Variants in KIAA2012 observed in about 807,000 individuals in gnomAD.
KIAA2012 encodes the protein KIAA2012.
In KIAA2012, 125 loss-of-function variants were observed where a neutral mutation model predicts 150.6. The ratio of observed to expected loss-of-function variants is 0.83; its 90% CI spans 0.72 to 0.96. The LOEUF is 0.96. Among genes scored for constraint, KIAA2012 ranks in the 40% least tolerant of loss-of-function variants. The pLI, the probability that KIAA2012 is intolerant of heterozygous loss-of-function variation, is 0.00. For synonymous variants in KIAA2012, 462 were observed against 504.7 expected, an observed-to-expected ratio of 0.92 and a Z score of 1.13; for missense variants, 1,219 against 1,354.9, an observed-to-expected ratio of 0.90 and a Z score of 1.57.
chr2:202,164,275 AAC>A (rs1349117737), intron 14 of KIAA2012, among the ~76,000 whole-genome samples: 1 of 152,170 alleles, frequency 6.6e-6, no homozygotes, highest in Non-Finnish European at 1.5e-5. Flanking sequence ...CTGCTCTTGC[AAC>A]ACTCTAGAGA....
chr2:202,120,501 T>A (rs2105934069), intron 11 of KIAA2012, among the ~76,000 whole-genome samples: 1 of 152,332 alleles, frequency 6.6e-6, no homozygotes, highest in East Asian at 1.9e-4. Flanking sequence ...TCTTCCTTCA[T>A]CCAGTGAGGC....
chr2:202,132,707 TGTATATATGTATATATATATA>T (rs1240469915), intron 12 of KIAA2012, among the ~76,000 whole-genome samples: 3 of 119,948 alleles, frequency 2.5e-5, no homozygotes, highest in Non-Finnish European at 5.2e-5. Context: ...TATATATATA[TGTATATATGTATATATATATA>T]GTATATATGT....
chr2:202,162,967 A>G (rs927879718), intron 14 of KIAA2012, among the ~76,000 whole-genome samples: 4 of 151,690 alleles, frequency 2.6e-5, no homozygotes, highest in African/African-American at 9.7e-5. Flanking sequence ...GTGCTTTTTA[A>G]TGGTTGCATC....
At position 202,105,830 on chromosome 2, in the gene KIAA2012, A is replaced by G; in HGVS notation, c.1394A>G (p.Lys465Arg). 5.8e-6 allele frequency: 9 copies of G among 1,550,740 alleles called. No individual in the cohort carries two copies. The highest frequency in any genetic ancestry group is 2.0e-5 in the Admixed American group (1 of 51,004). ...ESTPVWRPPLKHASLETPWEL... is the reference protein window; with the variant it reads ...ESTPVWRPPLRHASLETPWEL... ...ACACCTGTGTGGAGACCTCCCCTGA[A>G]GCATGCGTCCTTAGAAACACCATGG... is the stretch of plus-strand genomic sequence containing the variant. Residue 465 changes from lysine (K) to arginine (R), a missense_variant, in exon 9 of 24, where the codon AAG becomes AGG. Coordinates refer to ENST00000498697, the MANE Select transcript of KIAA2012 (RefSeq NM_001277372.4).
intron 15 of KIAA2012, among the ~76,000 whole-genome samples, chr2:202,169,878 T>C (rs1352989529): frequency 6.6e-6 from 1 of 152,226 alleles, no homozygotes; most frequent in African/African-American, 2.4e-5. Context: ...GGCGGATTGC[T>C]TCTCTGGGCC....
chr2:202,177,383 C>G (rs1397303419), intron 15 of KIAA2012, among the ~76,000 whole-genome samples: 1 of 152,096 alleles, frequency 6.6e-6, no homozygotes, highest in Non-Finnish European at 1.5e-5. Flanking sequence ...TGTCTTAATC[C>G]ATTTTGTGAT....
chr2:202,089,300 A>T (rs1381898115), intron 2 of KIAA2012, among the ~76,000 whole-genome samples: 1 of 152,190 alleles, frequency 6.6e-6, no homozygotes, highest in Non-Finnish European at 1.5e-5. Flanking sequence ...CTGCATCCTA[A>T]CCTGTATGAA....
rs144932727 is a variant in KIAA2012, at chr2:202,175,966, G to C, written c.2120-8787G>C. Among the ~76,000 whole-genome samples the C allele has an allele frequency of 5.6e-3, 855 of 152,254 alleles. 9 individuals are homozygous for C. Among genetic ancestry groups the C allele is most frequent in the Middle Eastern group, 0.01 (3 of 294 alleles). On this transcript the variant is annotated intron_variant, in intron 15 of 23. Transcript: ENST00000498697. ...TGATATATGGCAATGGCATTATAAAGGGAAATAGTGGAGAAAGGATGATCT... is the reference window on the plus strand; with the variant it reads ...TGATATATGGCAATGGCATTATAAACGGAAATAGTGGAGAAAGGATGATCT...
intron 15 of KIAA2012, among the ~76,000 whole-genome samples, chr2:202,184,106 C>T (rs945749060): frequency 2.0e-5 from 3 of 152,152 alleles, no homozygotes; most frequent in Non-Finnish European, 4.4e-5. Context: ...GTAATGTTGG[C>T]TGAGCGCAGT....
intron 23 of KIAA2012, among the ~76,000 whole-genome samples, chr2:202,203,209 TTCAG>T (rs1402583729): frequency 4.6e-5 from 7 of 152,296 alleles, no homozygotes; most frequent in African/African-American, 1.4e-4. Context: ...AGTATTTCAT[TTCAG>T]TCAATGTATC....
intron 15 of KIAA2012, chr2:202,179,320 G>A (rs1054522362): frequency 2.5e-6 from 3 of 1,190,290 alleles, no homozygotes; most frequent in African/African-American, 1.5e-5. Context: ...ACGGCTTTTC[G>A]CTGACTACAT....
chr2:202,134,937 T>A (rs1233430627), intron 12 of KIAA2012, among the ~76,000 whole-genome samples: 1 of 152,202 alleles, frequency 6.6e-6, no homozygotes, highest in Non-Finnish European at 1.5e-5. Flanking sequence ...TAGAAGGAAA[T>A]GTTAAGGAGC....
intron 22 of KIAA2012, among the ~76,000 whole-genome samples, chr2:202,200,085 C>T (rs1692488064): frequency 6.6e-6 from 1 of 151,812 alleles, no homozygotes; most frequent in Non-Finnish European, 1.5e-5. Context: ...CGCATGCCAC[C>T]ACGCCCAGCT....
intron 12 of KIAA2012, among the ~76,000 whole-genome samples, chr2:202,125,598 A>G (rs1348656561): frequency 6.6e-6 from 1 of 152,106 alleles, no homozygotes; most frequent in African/African-American, 2.4e-5. Flanking sequence ...CCACTGCACA[A>G]TTCCCTAAAT....
intron 15 of KIAA2012, among the ~76,000 whole-genome samples, chr2:202,175,797 G>GA (rs989273645): frequency 1.3e-5 from 2 of 151,584 alleles, no homozygotes; most frequent in African/African-American, 2.4e-5. Flanking sequence ...GTATAATTTT[G>GA]AAAAAAAATA....
At chr2:202,200,868 G>A (rs1279930195) in intron 22 of KIAA2012, among the ~76,000 whole-genome samples, 3 of 151,766 alleles carry the variant, frequency 2.0e-5, no homozygotes, top group African/African-American at 4.8e-5. Flanking sequence ...CACTACGCCC[G>A]GCTAATTTTG....
rs202073640 is a variant in KIAA2012 at position 202,134,940 on chromosome 2, TAAGG to T, written c.1832-3490_1832-3487del. Among the ~76,000 whole-genome samples the T allele has an allele frequency of 5.7e-3, 871 of 152,368 alleles. 6 individuals are homozygous for T. The highest frequency in any genetic ancestry group is 8.8e-3 in the Non-Finnish European group (601 of 68,032). On this transcript the variant is annotated intron_variant, in intron 12 of 23. Transcript: ENST00000498697. Reference sequence around the variant, plus strand: ...TGCAGATTTAAATAGAAGGAAATGTTAAGGAGCCATATTCCCTGCTAGAATCAGA... The same window carrying T: ...TGCAGATTTAAATAGAAGGAAATGTTAGCCATATTCCCTGCTAGAATCAGA...
intron 10 of KIAA2012, among the ~76,000 whole-genome samples, chr2:202,111,709 C>T (rs1370100279): frequency 3.3e-5 from 5 of 152,040 alleles, no homozygotes; most frequent in Admixed American, 6.6e-5. Flanking sequence ...ATAGGCATGG[C>T]TGCATATGCA....
At chr2:202,144,862 C>G (rs2049189) in intron 13 of KIAA2012, among the ~76,000 whole-genome samples, 101,715 of 152,168 alleles carry the variant, frequency 0.67, 34,448 homozygotes, top group African/African-American at 0.77. Flanking sequence ...AATAGAAAAA[C>G]CCTATCTCCT....
Sources: allele counts gnomAD v4.1 joint callset (sites outside exome capture counted in the v4.1 genomes callset), GRCh38; gene constraint gnomAD v4.1.1; transcripts MANE v1.5; gene names NCBI Gene and HGNC (gene_info 2026-07-23, HGNC 2026-07-21).